The following TPTE variants were observed in gnomAD, a reference collection of about 807,000 sequenced individuals.
TPTE encodes putative tyrosine-protein phosphatase TPTE.
A neutral mutation model predicts 84.1 loss-of-function variants in TPTE; 59 were observed. The observed-to-expected ratio is 0.70, with a 90% confidence interval of 0.57 to 0.87. TPTE has a LOEUF of 0.87. Among genes scored for constraint, TPTE ranks in the 40% least tolerant of loss-of-function variants. The pLI, the probability that TPTE is intolerant of heterozygous loss-of-function variation, is 0.00. For missense variants in TPTE, 382 were observed against 659.6 expected (o/e 0.58, Z 4.61); for synonymous variants, 130 against 223.5 (o/e 0.58, Z 3.73).
chr21:10,602,208 T>A (rs1978630849), intron 22 of TPTE, 58 bp downstream of exon 22: 1 of 1,570,376 alleles, frequency 6.4e-7, no homozygotes, highest in African/African-American at 1.3e-5. Flanking sequence ...TGATTTCATG[T>A]AAGATTTGCT....
chr21:10,554,201 T>C (rs1301963581), intron 8 of TPTE, among the ~76,000 whole-genome samples: 1 of 152,306 alleles, frequency 6.6e-6, no homozygotes, highest in Middle Eastern at 3.2e-3. Flanking sequence ...TGTGTGATAT[T>C]TCATGGTGTA....
At chr21:10,560,045 A>G (rs1176043477) in intron 9 of TPTE, among the ~76,000 whole-genome samples, 1 of 152,306 alleles carries the variant, frequency 6.6e-6, no homozygotes, top group East Asian at 1.9e-4. Flanking sequence ...ATCTAATGTA[A>G]TCTAATTTAT....
chr21:10,576,885 A>C (rs2075165594), intron 14 of TPTE, among the ~76,000 whole-genome samples: 1 of 150,320 alleles, frequency 6.7e-6, no homozygotes, highest in African/African-American at 2.4e-5. Flanking sequence ...ATAGACACAC[A>C]CTTTATAGGT....
rs751260988 is a variant in TPTE at position 10,559,566 on chromosome 21, C to T, written c.284+22C>T. ...TTGGGTATGTGAGACATAGAAAACA[C>T]CATGTATTAAATATATCTGAGACTT... On this transcript the variant is annotated intron_variant, in intron 9 of 23. Transcript: ENST00000618007. The T allele has an allele frequency of 8.7e-6, 14 of 1,612,034 alleles. No homozygotes were observed. In the South Asian group the frequency reaches 1.3e-4, roughly 15 times the overall value.
intron 14 of TPTE, among the ~76,000 whole-genome samples, chr21:10,573,901 C>T (rs1431309588): frequency 6.6e-6 from 1 of 152,428 alleles, no homozygotes; most frequent in East Asian, 1.9e-4. Flanking sequence ...CAGGCCCAGG[C>T]TCAAAATTAT....
In TPTE at chr21:10,584,879, AGTGTGTGTGTGTGTGTGT is replaced by A. The variant is rs56198162; in HGVS notation, c.1028-5564_1028-5547del. On this transcript the variant is annotated intron_variant, in intron 17 of 23. Coordinates refer to ENST00000618007, the MANE Select transcript of TPTE (RefSeq NM_199261.4). ...TCAACATCTCTCCAAATGCTTTACGAGTGTGTGTGTGTGTGTGTGTGTGTGTGTGTGTGTGTATTAGTG... is the reference window on the plus strand; with the variant it reads ...TCAACATCTCTCCAAATGCTTTACGAGTGTGTGTGTGTGTGTGTATTAGTG... 3.4e-5 allele frequency among the ~76,000 whole-genome samples: 5 copies of A among 148,848 alleles called. No individual in the cohort carries two copies. The South Asian group carries it at 1.1e-3, about 32-fold the overall frequency.
At chr21:10,581,970 A>G (rs1471652849) in intron 17 of TPTE, among the ~76,000 whole-genome samples, 1 of 152,312 alleles carries the variant, frequency 6.6e-6, no homozygotes, top group African/African-American at 2.4e-5. Flanking sequence ...CCTGGACTCA[A>G]GTGATCCACC....
intron 13 of TPTE, among the ~76,000 whole-genome samples, chr21:10,570,031 C>T (rs1444955853): frequency 6.6e-6 from 1 of 152,308 alleles, no homozygotes; most frequent in Non-Finnish European, 1.5e-5. Flanking sequence ...TTTCTGAGTC[C>T]CAGGGATCCC....
chr21:10,605,646 G>C lies in TPTE; in HGVS notation c.*94G>C, dbSNP rs1357864596. 1.9e-6 allele frequency: 3 copies of C among 1,579,138 alleles called. No homozygotes were observed. The highest frequency in any genetic ancestry group is 2.6e-6 in the Non-Finnish European group (3 of 1,166,354). ...CCTAAATCTATCCTAAATGTTCCTT[G>C]AAGTATTTATTTATGTTTATATATG... On this transcript the variant is annotated 3_prime_UTR_variant, in exon 24 of 24. Transcript: ENST00000618007.
intron 6 of TPTE, 98 bp downstream of exon 6, chr21:10,542,546 T>G: frequency 7.3e-7 from 1 of 1,364,382 alleles, no homozygotes; most frequent in Non-Finnish European, 1.0e-6. Flanking sequence ...CATCCATCCA[T>G]CCATCCATCC....
chr21:10,567,563 G>C, intron 10 of TPTE, 107 bp from the exon 11 acceptor site: 1 of 1,538,142 alleles, frequency 6.5e-7, no homozygotes, highest in East Asian at 2.3e-5. Context: ...AATAATTCAT[G>C]ATAGTAGAAT....
intron 21 of TPTE, among the ~76,000 whole-genome samples, chr21:10,599,970 A>T (rs1481734376): frequency 3.3e-5 from 5 of 152,256 alleles, no homozygotes; most frequent in African/African-American, 7.2e-5. Context: ...CAATCCCCCA[A>T]TTTTTTTTAT....
At chr21:10,582,460 T>C (rs1190245537) in intron 17 of TPTE, among the ~76,000 whole-genome samples, 19 of 152,292 alleles carry the variant, frequency 1.2e-4, no homozygotes, top group Admixed American at 9.8e-4. Flanking sequence ...AATTTTAAAA[T>C]CATTTTGTGA....
chr21:10,593,072 A>G (rs1411146606), intron 19 of TPTE, among the ~76,000 whole-genome samples: 1 of 152,310 alleles, frequency 6.6e-6, no homozygotes, highest in Non-Finnish European at 1.5e-5. Flanking sequence ...ATCCTCATGT[A>G]GTCATCACAT....
intron 3 of TPTE, among the ~76,000 whole-genome samples, chr21:10,537,895 CAT>C (rs1398063475): frequency 3.9e-5 from 6 of 152,308 alleles, no homozygotes; most frequent in African/African-American, 9.6e-5. Context: ...AACTTTGACA[CAT>C]GTGTCTGCAT....
chr21:10,601,186 C>G (rs897349538), intron 21 of TPTE, among the ~76,000 whole-genome samples: 4 of 152,296 alleles, frequency 2.6e-5, no homozygotes, highest in African/African-American at 7.2e-5. Flanking sequence ...AAATTCAATA[C>G]TTTTTAAAAG....
intron 9 of TPTE, 134 bp downstream of exon 9, chr21:10,559,678 A>T (rs537179740): frequency 5.6e-3 from 7,318 of 1,307,888 alleles, no homozygotes; most frequent in Middle Eastern, 0.011. Flanking sequence ...GTTCAAGACC[A>T]GCCTGGCTAA....
At chr21:10,590,626 T>C in intron 18 of TPTE, 103 bp downstream of exon 18, 2 of 1,562,290 alleles carry the variant, frequency 1.3e-6, no homozygotes, top group Non-Finnish European at 1.7e-6. Flanking sequence ...TCATGGTGCT[T>C]AGTAAAATTG....
intron 11 of TPTE, among the ~76,000 whole-genome samples, chr21:10,568,324 A>G (rs1320163959): frequency 1.3e-5 from 2 of 152,308 alleles, no homozygotes; most frequent in East Asian, 3.8e-4. Context: ...TTTCTAAAAA[A>G]TAGCAAACAG....
Sources: allele counts gnomAD v4.1 joint callset (sites outside exome capture counted in the v4.1 genomes callset), GRCh38; gene constraint gnomAD v4.1.1; transcripts MANE v1.5; gene names NCBI Gene and HGNC (gene_info 2026-07-23, HGNC 2026-07-21).